TTC7A: variants seen among roughly 807,000 people sequenced by gnomAD.
The protein encoded by TTC7A is tetratricopeptide repeat domain 7A.
In TTC7A, 110 loss-of-function variants were observed where a neutral mutation model predicts 103.7. The ratio of observed to expected loss-of-function variants is 1.06; its 90% CI spans 0.91 to 1.24. The LOEUF (loss-of-function observed/expected upper bound fraction) is 1.24, where lower values mean the gene tolerates loss of function less well. Ranked by LOEUF, TTC7A falls within the 50% of genes most tolerant of loss-of-function variation. TTC7A has a pLI of 0.00. For missense variants in TTC7A, 1,340 were observed against 1,116.3 expected (o/e 1.20, Z -2.86); for synonymous variants, 521 against 467.9 (o/e 1.11, Z -1.47).
At chr2:46,924,819 G>A (rs1393827164) in intron 2 of TTC7A, among the ~76,000 whole-genome samples, 6 of 152,140 alleles carry the variant, frequency 3.9e-5, no homozygotes, top group African/African-American at 1.4e-4. Context: ...GTAGAGACAA[G>A]GTTTCACCAT....
At chr2:47,073,013 C>A (rs550188524) in intron 19 of TTC7A, among the ~76,000 whole-genome samples, 1 of 152,222 alleles carries the variant, frequency 6.6e-6, no homozygotes, top group East Asian at 1.9e-4. Context: ...GTGACCCAGA[C>A]CCCCCAGGCC....
Position 47,074,685 on chromosome 2 carries a change from C to T in TTC7A, c.*762C>T, listed in dbSNP as rs1269652761. 1 of 152,382 alleles carries T rather than the reference C, an allele frequency of 6.6e-6. No individual in the cohort carries two copies. The highest frequency in any genetic ancestry group is 1.9e-4 in the East Asian group (1 of 5,196). 9.4% of individuals were successfully genotyped at this position (152,382 alleles called of 1,614,324 possible). On this transcript the variant is annotated 3_prime_UTR_variant, in exon 20 of 20. Coordinates refer to ENST00000319190, the MANE Select transcript of TTC7A (RefSeq NM_020458.4). Reference sequence around the variant, plus strand: ...GCTACAATGCAGGTCCCTTGAGGGCCACCAACATGGAGGTAGGCAGTTTCT... The same window carrying T: ...GCTACAATGCAGGTCCCTTGAGGGCTACCAACATGGAGGTAGGCAGTTTCT...
intron 3 of TTC7A, among the ~76,000 whole-genome samples, chr2:46,964,640 C>T (rs568458833): frequency 5.3e-5 from 8 of 152,164 alleles, no homozygotes; most frequent in Non-Finnish European, 1.0e-4. Context: ...TAACAAATCA[C>T]CCACTTTTTT....
intron 10 of TTC7A, among the ~76,000 whole-genome samples, chr2:47,008,438 G>C (rs531349547): frequency 5.3e-5 from 8 of 152,346 alleles, no homozygotes; most frequent in African/African-American, 1.9e-4. Context: ...GAGAGATCCA[G>C]ACACAGCCTG....
rs375042389 is a variant in TTC7A at position 46,935,271 on chromosome 2, A to G, written c.83-15092A>G. Among the ~76,000 whole-genome samples, 26 of 152,068 alleles carry G rather than the reference A, an allele frequency of 1.7e-4. No individual in the cohort carries two copies. The Middle Eastern group carries it at 0.01, about 60-fold the overall frequency. On this transcript the variant is annotated intron_variant, in intron 2 of 20. Coordinates refer to the TTC7A transcript ENST00000409245. ...AGCCATGACAACTGTTCCTCCCCACACTCTTTCATCCTGAGCCCAGGAGTT... is the reference window on the plus strand; with the variant it reads ...AGCCATGACAACTGTTCCTCCCCACGCTCTTTCATCCTGAGCCCAGGAGTT...
At chr2:47,011,295 G>GT in intron 10 of TTC7A, 36 bp from the exon 11 acceptor site, 1 of 1,590,870 alleles carries the variant, frequency 6.3e-7, no homozygotes, top group Non-Finnish European at 8.6e-7. Context: ...ATCCAGGACT[G>GT]TGAGTGACAG....
chr2:46,980,883 C>G (rs1674383546), intron 5 of TTC7A, among the ~76,000 whole-genome samples: 1 of 152,200 alleles, frequency 6.6e-6, no homozygotes, highest in Non-Finnish European at 1.5e-5. Flanking sequence ...TGCTAGATGA[C>G]TGGTGTGCAG....
intron 5 of TTC7A, among the ~76,000 whole-genome samples, chr2:46,988,063 G>A (rs1675219834): frequency 1.3e-5 from 2 of 152,166 alleles, no homozygotes; most frequent in African/African-American, 4.8e-5. Flanking sequence ...GAACAGCGAA[G>A]CTCATTCTGA....
intron 15 of TTC7A, chr2:47,035,558 C>T (rs959348715): frequency 1.3e-5 from 2 of 152,242 alleles, no homozygotes; most frequent in African/African-American, 2.4e-5. Flanking sequence ...TGATGGTCAT[C>T]ATTCTCCAGT....
At chr2:47,053,917 G>A (rs565969490) in intron 18 of TTC7A, among the ~76,000 whole-genome samples, 1 of 152,176 alleles carries the variant, frequency 6.6e-6, no homozygotes, top group Non-Finnish European at 1.5e-5. Context: ...AAGCTTGCTT[G>A]CAGTTCTCAG....
At chr2:47,054,660 C>G (rs1683163943) in intron 18 of TTC7A, among the ~76,000 whole-genome samples, 2 of 151,986 alleles carry the variant, frequency 1.3e-5, no homozygotes, top group African/African-American at 2.4e-5. Context: ...TGGTAAAACC[C>G]CATCTCTACT....
intron 1 of TTC7A, among the ~76,000 whole-genome samples, chr2:46,949,503 G>A (rs1024788044): frequency 6.6e-5 from 10 of 152,250 alleles, no homozygotes; most frequent in African/African-American, 2.4e-4. Context: ...AAAGTGCTGG[G>A]ATTACAGGTG....
intron 18 of TTC7A, among the ~76,000 whole-genome samples, chr2:47,054,895 G>A (rs1683189222): frequency 2.6e-5 from 4 of 151,854 alleles, no homozygotes; most frequent in Admixed American, 2.6e-4. Flanking sequence ...ATACACTGGT[G>A]ACTGGTGCAC....
chr2:47,039,382 A>G (rs1230030867), intron 15 of TTC7A, among the ~76,000 whole-genome samples: 3 of 152,130 alleles, frequency 2.0e-5, no homozygotes, highest in Non-Finnish European at 4.4e-5. Flanking sequence ...TGCTCTGCCA[A>G]CTTCCCCCAC....
intron 18 of TTC7A, among the ~76,000 whole-genome samples, chr2:47,057,321 C>G (rs529705192): frequency 5.9e-5 from 9 of 152,342 alleles, no homozygotes; most frequent in Middle Eastern, 6.8e-3. Context: ...TCCTGTCTAA[C>G]TGGGAATGGA....
At chr2:47,066,160 T>A (rs1262776822) in intron 19 of TTC7A, 1 of 152,232 alleles carries the variant, frequency 6.6e-6, no homozygotes, top group Non-Finnish European at 1.5e-5. Flanking sequence ...GAAGACAGTG[T>A]TGTTATCTGC....
intron 10 of TTC7A, among the ~76,000 whole-genome samples, chr2:47,009,274 C>T (rs941338276): frequency 2.3e-4 from 35 of 152,090 alleles, no homozygotes; most frequent in African/African-American, 8.2e-4. Flanking sequence ...CCTGCTAACA[C>T]CCTCTTGTGC....
chr2:46,941,325 G>A lies in TTC7A; in HGVS notation c.-217G>A. 4.5e-6 allele frequency: 1 copy of A among 223,570 alleles called. No homozygotes were observed. Among genetic ancestry groups the A allele is most frequent in the Non-Finnish European group, 8.0e-6 (1 of 124,528 alleles). The allele number at this position is 223,570 out of a possible 1,614,324, so 13.8% of individuals were successfully genotyped here. On this transcript the variant is annotated 5_prime_UTR_variant, in exon 1 of 20. Coordinates refer to ENST00000319190, the MANE Select transcript of TTC7A (RefSeq NM_020458.4). The surrounding 1 kb of genome is among the most constrained non-coding windows in gnomAD (Gnocchi z 4.2). ...GCGTACGGGCCGCTCGGCCGGAGCC[G>A]CAGCCCGGAGGCGCCGGGCGGTGCG...
chr2:46,961,488 A>G (rs2104071498), intron 3 of TTC7A, among the ~76,000 whole-genome samples: 1 of 151,930 alleles, frequency 6.6e-6, no homozygotes, highest in South Asian at 2.1e-4. Context: ...GAGGCAGGAG[A>G]ATGGCATGAA....
Sources: gnomAD v4.1 joint callset for allele counts (sites outside exome capture counted in the v4.1 genomes callset) on GRCh38, gnomAD v4.1.1 for gene constraint, Gnocchi (gnomAD v3.1) non-coding constraint, MANE v1.5 for transcripts, NCBI Gene and HGNC (gene_info 2026-07-23, HGNC 2026-07-21) for gene names.